The following LHCGR variants were observed in gnomAD, a reference collection of about 807,000 sequenced individuals.
LHCGR encodes lutropin-choriogonadotropic hormone receptor.
In LHCGR, 55 loss-of-function variants were observed where a neutral mutation model predicts 60.7. That is an observed-to-expected ratio of 0.91 (90% CI 0.73 to 1.13). The LOEUF is 1.13. LHCGR is among the 50% of genes most tolerant of loss of function. The probability of loss-of-function intolerance (pLI) is 0.00; values close to 1 mark genes in which losing one functional copy is unlikely to be tolerated. For synonymous variants in LHCGR, 337 were observed against 316.5 expected, an observed-to-expected ratio of 1.06 and a Z score of -0.69; for missense variants, 862 against 836.0, an observed-to-expected ratio of 1.03 and a Z score of -0.38.
At chr2:48,714,690 A>C (rs1435586219) in intron 6 of LHCGR, among the ~76,000 whole-genome samples, 4 of 152,148 alleles carry the variant, frequency 2.6e-5, no homozygotes, top group Non-Finnish European at 5.9e-5. Context: ...TTAGGGTATT[A>C]ATGTTTATGA....
rs1223494861 is a variant in LHCGR, at chr2:48,742,502, G to A, written c.162-11204C>T. On this transcript the variant is annotated intron_variant, in intron 1 of 10. Coordinates refer to ENST00000294954, the MANE Select transcript of LHCGR (RefSeq NM_000233.4). ...ATTATAACAAACTATCTCTCAGACC[G>A]CAGTGCAATCAAACTAGAACTCAGG... Among the ~76,000 whole-genome samples, 17 of 151,928 alleles carry A rather than the reference G, an allele frequency of 1.1e-4. No individual in the cohort carries two copies. The East Asian group carries it at 1.2e-3, about 10-fold the overall frequency.
chr2:48,700,892 G>C (rs1280027112), intron 8 of LHCGR, among the ~76,000 whole-genome samples: 1 of 152,186 alleles, frequency 6.6e-6, no homozygotes, highest in Non-Finnish European at 1.5e-5. Context: ...GAAGCAGAAA[G>C]ATCTAGGAAT....
At chr2:48,741,400 A>G (rs1428964790) in intron 1 of LHCGR, among the ~76,000 whole-genome samples, 1 of 152,112 alleles carries the variant, frequency 6.6e-6, no homozygotes, top group Non-Finnish European at 1.5e-5. Flanking sequence ...CAGATTCACC[A>G]AAGTTGAAAT....
intron 8 of LHCGR, among the ~76,000 whole-genome samples, chr2:48,707,920 G>A (rs775628064): frequency 6.6e-6 from 1 of 152,120 alleles, no homozygotes; most frequent in Non-Finnish European, 1.5e-5. Flanking sequence ...GTTCCTCCAG[G>A]TACAGTCTCT....
At chr2:48,750,644 T>C (rs1047629733) in intron 1 of LHCGR, among the ~76,000 whole-genome samples, 1 of 152,344 alleles carries the variant, frequency 6.6e-6, no homozygotes, top group East Asian at 1.9e-4. Context: ...CTTTTCTGCA[T>C]GAGTTAATTG....
chr2:48,705,646 G>A (rs1667626828), intron 8 of LHCGR, among the ~76,000 whole-genome samples: 1 of 151,978 alleles, frequency 6.6e-6, no homozygotes, highest in Non-Finnish European at 1.5e-5. Flanking sequence ...ATTATGTAAT[G>A]GCCTTCTTTG....
chr2:48,754,688 C>T (rs1429238583), intron 1 of LHCGR, among the ~76,000 whole-genome samples: 1 of 151,982 alleles, frequency 6.6e-6, no homozygotes, highest in Non-Finnish European at 1.5e-5. Flanking sequence ...AATCTACTTT[C>T]AGTTTATCTG....
intron 1 of LHCGR, among the ~76,000 whole-genome samples, chr2:48,755,200 C>A (rs1670151864): frequency 6.6e-6 from 1 of 151,776 alleles, no homozygotes; most frequent in South Asian, 2.1e-4. Flanking sequence ...GAGCGTCACA[C>A]CCATATTCCC....
intron 3 of LHCGR, among the ~76,000 whole-genome samples, chr2:48,727,763 C>T (rs1186515777): frequency 6.6e-6 from 1 of 152,260 alleles, no homozygotes; most frequent in African/African-American, 2.4e-5. Context: ...CCTGGCTACA[C>T]TGTCATCTCA....
chr2:48,708,885 C>T (rs1476608847), intron 8 of LHCGR, 63 bp downstream of exon 8: 7 of 1,222,990 alleles, frequency 5.7e-6, no homozygotes, highest in South Asian at 1.2e-5. Flanking sequence ...TGTGGAGGGA[C>T]ACCCTAAGCA....
chr2:48,721,107 A>G (rs1415982225), intron 6 of LHCGR: 8 of 152,378 alleles, frequency 5.3e-5, no homozygotes, highest in African/African-American at 1.9e-4. Context: ...TTATTATTTT[A>G]TTATTTTATG....
intron 4 of LHCGR, among the ~76,000 whole-genome samples, chr2:48,725,455 G>T (rs1668675627): frequency 6.6e-6 from 1 of 152,122 alleles, no homozygotes; most frequent in Admixed American, 6.5e-5. Flanking sequence ...AGGTGTTTAG[G>T]ACTGATAAAA....
At position 48,725,700 on chromosome 2, in the gene LHCGR, A is replaced by G. The variant is rs1237586952; in HGVS notation, c.359T>C (p.Ile120Thr). The G allele has an allele frequency of 1.9e-6, 3 of 1,613,602 alleles. No individual in the cohort carries two copies. The highest frequency in any genetic ancestry group is 2.5e-6 in the Non-Finnish European group (3 of 1,179,572). Residue 120 changes from isoleucine to threonine, a missense_variant, in exon 4 of 11, where the codon ATA (isoleucine) becomes ACA (threonine). Ile to Thr is a moderately conservative substitution (Grantham distance 89). Transcript: ENST00000294954. ...CAAGTATTTTAATCGGGGAAGATTT[A>G]TAAATGCTCCGGGCTCAATGTATCT... is the stretch of plus-strand genomic sequence containing the variant. Reference protein sequence around the residue: ...NLRYIEPGAFINLPRLKYLSI... With the variant: ...NLRYIEPGAFTNLPRLKYLSI...
chr2:48,740,172 A>C (rs1669376617), intron 1 of LHCGR, among the ~76,000 whole-genome samples: 1 of 152,228 alleles, frequency 6.6e-6, no homozygotes, highest in East Asian at 1.9e-4. Flanking sequence ...TATATCCCGC[A>C]CCTGGCTCGG....
At chr2:48,745,983 A>G (rs918686699) in intron 1 of LHCGR, among the ~76,000 whole-genome samples, 1 of 152,174 alleles carries the variant, frequency 6.6e-6, no homozygotes, top group Admixed American at 6.5e-5. Flanking sequence ...GTGGTAGTTA[A>G]GAGCGCACAC....
intron 1 of LHCGR, among the ~76,000 whole-genome samples, chr2:48,750,268 T>C (rs531620248): frequency 6.6e-6 from 1 of 152,306 alleles, no homozygotes; most frequent in East Asian, 1.9e-4. Context: ...CAGGAGGCCA[T>C]CTGTCTCAAT....
chr2:48,690,097 G>T (rs528340103), intron 10 of LHCGR, among the ~76,000 whole-genome samples: 2 of 152,264 alleles, frequency 1.3e-5, no homozygotes, highest in East Asian at 3.9e-4. Context: ...AGTCCATTCT[G>T]TATGTTCCTT....
chr2:48,715,374 A>G (rs1490626765), intron 6 of LHCGR, among the ~76,000 whole-genome samples: 1 of 152,176 alleles, frequency 6.6e-6, no homozygotes, highest in Non-Finnish European at 1.5e-5. Context: ...ACTGCCTTAG[A>G]TGGAAATATT....
intron 1 of LHCGR, among the ~76,000 whole-genome samples, chr2:48,751,613 CG>C (rs1487628939): frequency 6.6e-6 from 1 of 152,148 alleles, no homozygotes; most frequent in Non-Finnish European, 1.5e-5. Context: ...AAAGACACTA[CG>C]GCACTGAACA....
Sources: gnomAD v4.1 joint callset for allele counts (sites outside exome capture counted in the v4.1 genomes callset) on GRCh38, gnomAD v4.1.1 for gene constraint, MANE v1.5 for transcripts, NCBI Gene and HGNC (gene_info 2026-07-23, HGNC 2026-07-21) for gene names.